LPP: variants seen among roughly 807,000 people sequenced by gnomAD.
LPP encodes the protein LIM domain containing preferred translocation partner in lipoma.
Under a neutral mutation model 60.4 loss-of-function variants are expected in LPP, and 38 were observed. That is an observed-to-expected ratio of 0.63 (90% CI 0.49 to 0.83). The LOEUF (loss-of-function observed/expected upper bound fraction) is 0.83. LPP is among the 40% of genes least tolerant of loss of function. LPP has a pLI of 0.00. For synonymous variants in LPP, 328 were observed against 290.8 expected (o/e 1.13, Z -1.30); for missense variants, 902 against 783.6 (o/e 1.15, Z -1.80).
chr3:188,203,833 T>A (rs1431801726), intron 1 of LPP, among the ~76,000 whole-genome samples: 3 of 151,166 alleles, frequency 2.0e-5, no homozygotes, highest in Non-Finnish European at 4.4e-5. Context: ...GTGTGCAGGC[T>A]TTGGTGCCAA....
intron 7 of LPP, among the ~76,000 whole-genome samples, chr3:188,615,094 G>C (rs764490567): frequency 5.9e-5 from 9 of 152,118 alleles, no homozygotes; most frequent in Non-Finnish European, 1.2e-4. Context: ...TGTAATACCA[G>C]ATTAATCTTT....
intron 4 of LPP, among the ~76,000 whole-genome samples, chr3:188,449,624 C>A (rs977282722): frequency 6.6e-6 from 1 of 152,036 alleles, no homozygotes; most frequent in Non-Finnish European, 1.5e-5. Flanking sequence ...GAGTCAGTAG[C>A]TGAGGCAAGA....
At chr3:188,563,474 G>GTGTGTGTGTT (rs1553929589) in intron 6 of LPP, among the ~76,000 whole-genome samples, 6,445 of 148,966 alleles carry the variant, frequency 0.043, 236 homozygotes, top group African/African-American at 0.097. Flanking sequence ...GTGTGTGTGT[G>GTGTGTGTGTT]TGTGTGTGTG....
intron 2 of LPP, among the ~76,000 whole-genome samples, chr3:188,238,195 A>G (rs916501245): frequency 6.6e-6 from 1 of 152,192 alleles, no homozygotes; most frequent in African/African-American, 2.4e-5. Context: ...TTTTGCCTTC[A>G]TAGAATTGAA....
At chr3:188,820,177 A>G (rs1057302342) in intron 9 of LPP, among the ~76,000 whole-genome samples, 2 of 152,148 alleles carry the variant, frequency 1.3e-5, no homozygotes, top group Non-Finnish European at 2.9e-5. Flanking sequence ...GCAATAAATT[A>G]TTGCTTATGT....
intron 8 of LPP, among the ~76,000 whole-genome samples, chr3:188,727,522 T>C (rs1718868888): frequency 6.6e-6 from 1 of 152,346 alleles, no homozygotes; most frequent in African/African-American, 2.4e-5. Flanking sequence ...CTTTGATATT[T>C]ATTTCATTCA....
intron 10 of LPP, among the ~76,000 whole-genome samples, chr3:188,870,703 T>G (rs1343473284): frequency 1.3e-5 from 2 of 152,230 alleles, no homozygotes; most frequent in Non-Finnish European, 2.9e-5. Flanking sequence ...CTCAGTGAGC[T>G]AAGCCTTGAA....
chr3:188,464,325 G>C (rs539945930), intron 4 of LPP, among the ~76,000 whole-genome samples: 1 of 152,238 alleles, frequency 6.6e-6, no homozygotes, highest in African/African-American at 2.4e-5. Flanking sequence ...ATTTGAAGTT[G>C]AATTTAAATC....
chr3:188,763,183 G>T (rs553145394), intron 9 of LPP, among the ~76,000 whole-genome samples: 7 of 151,906 alleles, frequency 4.6e-5, no homozygotes, highest in Non-Finnish European at 1.0e-4. Flanking sequence ...GTTGAAAACT[G>T]ATGTCTAAAA....
At chr3:188,802,689 C>T (rs1054982406) in intron 9 of LPP, among the ~76,000 whole-genome samples, 17 of 151,888 alleles carry the variant, frequency 1.1e-4, no homozygotes, top group Non-Finnish European at 1.9e-4. Flanking sequence ...GGGGCTGAGG[C>T]AGGAGAATCA....
Position 188,469,992 on chromosome 3 carries a change from C to T in LPP, c.194-14600C>T, listed in dbSNP as rs201995008. On this transcript the variant is annotated intron_variant, in intron 4 of 11. Coordinates refer to ENST00000617246, the MANE Select transcript of LPP (RefSeq NM_001375462.1). ...GGTGTTGTATTTTTAAATTTAAATA[C>T]TTTGGTCTACACAACCCTGGGTAGT... Among the ~76,000 whole-genome samples, 12 of 152,116 alleles carry T rather than the reference C, an allele frequency of 7.9e-5. No homozygotes were observed. In the East Asian group the frequency reaches 1.7e-3, roughly 22 times the overall value.
At chr3:188,419,121 G>A (rs1787110759) in intron 4 of LPP, among the ~76,000 whole-genome samples, 1 of 152,126 alleles carries the variant, frequency 6.6e-6, no homozygotes, top group Non-Finnish European at 1.5e-5. Flanking sequence ...TGTCATGAAT[G>A]CCACCCAATG....
chr3:188,544,506 C>T (rs988742323), intron 6 of LPP, among the ~76,000 whole-genome samples: 9 of 150,950 alleles, frequency 6.0e-5, no homozygotes, highest in Non-Finnish European at 1.2e-4. Flanking sequence ...TGAAAAAATG[C>T]TCATCATCAC....
At chr3:188,643,660 G>A (rs1053888505) in intron 7 of LPP, among the ~76,000 whole-genome samples, 9 of 152,130 alleles carry the variant, frequency 5.9e-5, no homozygotes, top group African/African-American at 1.9e-4. Context: ...GTATAAATGT[G>A]ATGTCTCCTG....
intron 3 of LPP, among the ~76,000 whole-genome samples, chr3:188,390,405 T>C (rs1215082155): frequency 6.6e-6 from 1 of 152,138 alleles, no homozygotes; most frequent in Non-Finnish European, 1.5e-5. Flanking sequence ...ATAGTCTTCC[T>C]TCACATGTAT....
chr3:188,225,588 G>A (rs546678073), intron 2 of LPP, 61 bp downstream of exon 2: 2 of 152,318 alleles, frequency 1.3e-5, no homozygotes, highest in East Asian at 3.9e-4. Context: ...ATGTTTTAAT[G>A]AGTTTTAAAC....
intron 2 of LPP, among the ~76,000 whole-genome samples, chr3:188,248,497 T>TATATAC (rs1288280759): frequency 1.8e-4 from 26 of 140,716 alleles, no homozygotes; most frequent in South Asian, 6.9e-4. Context: ...TATATATATA[T>TATATAC]ACAGTCAGCA....
intron 5 of LPP, among the ~76,000 whole-genome samples, chr3:188,499,105 T>C (rs1811092627): frequency 6.6e-6 from 1 of 152,214 alleles, no homozygotes; most frequent in Non-Finnish European, 1.5e-5. Context: ...AGATTGCCTT[T>C]TTACTCCATT....
chr3:188,222,660 TG>T (rs999824178), intron 1 of LPP, among the ~76,000 whole-genome samples: 6 of 152,156 alleles, frequency 3.9e-5, no homozygotes, highest in Non-Finnish European at 8.8e-5. Context: ...TCTCTGTCTC[TG>T]GGGGCAGCAC....
Sources: gnomAD v4.1 joint callset for allele counts (sites outside exome capture counted in the v4.1 genomes callset) on GRCh38, gnomAD v4.1.1 for gene constraint, MANE v1.5 for transcripts, NCBI Gene and HGNC (gene_info 2026-07-23, HGNC 2026-07-21) for gene names.